The following DNAH14 variants were observed in gnomAD, a reference collection of about 807,000 sequenced individuals.
The protein encoded by DNAH14 is axonemal beta dynein heavy chain 14.
Under a neutral mutation model 520.9 loss-of-function variants are expected in DNAH14, and 478 were observed. The observed-to-expected ratio is 0.92, with a 90% confidence interval of 0.85 to 0.99. The LOEUF (loss-of-function observed/expected upper bound fraction) is 0.99, where lower values mean the gene tolerates loss of function less well. Among genes scored for constraint, DNAH14 ranks in the 50% least tolerant of loss-of-function variants. The probability of loss-of-function intolerance (pLI) is 0.00; values close to 1 mark genes in which losing one functional copy is unlikely to be tolerated. For missense variants in DNAH14, 4,831 were observed against 5,234.5 expected, an observed-to-expected ratio of 0.92 and a Z score of 2.38; for synonymous variants, 1,581 against 1,757.2, an observed-to-expected ratio of 0.90 and a Z score of 2.51.
chr1:225,370,046 T>C (rs920813239), intron 77 of DNAH14, among the ~76,000 whole-genome samples: 4 of 152,048 alleles, frequency 2.6e-5, no homozygotes, highest in African/African-American at 7.2e-5. Context: ...TCCCAGCACT[T>C]TGGGAGGCCG....
chr1:224,974,742 C>T (rs2061702457), intron 8 of DNAH14, among the ~76,000 whole-genome samples: 1 of 152,132 alleles, frequency 6.6e-6, no homozygotes, highest in South Asian at 2.1e-4. Context: ...CTACTCTCTC[C>T]TTGACCTTTG....
intron 71 of DNAH14, among the ~76,000 whole-genome samples, chr1:225,347,823 G>A (rs1471005493): frequency 6.6e-6 from 1 of 152,074 alleles, no homozygotes; most frequent in Non-Finnish European, 1.5e-5. Context: ...GACACAGGGG[G>A]AAATGGCCCA....
At chr1:225,079,982 A>G (rs943368803) in intron 18 of DNAH14, among the ~76,000 whole-genome samples, 7 of 152,080 alleles carry the variant, frequency 4.6e-5, no homozygotes, top group Admixed American at 2.0e-4. Flanking sequence ...CAATACAAGT[A>G]TTCTTCAACT....
intron 1 of DNAH14, among the ~76,000 whole-genome samples, chr1:224,948,380 A>G (rs2059976381): frequency 6.6e-6 from 1 of 151,574 alleles, no homozygotes; most frequent in Admixed American, 6.6e-5. Context: ...TCTGATATGA[A>G]TATAGCTATA....
At chr1:224,986,352 C>T (rs770760565) in intron 8 of DNAH14, among the ~76,000 whole-genome samples, 5 of 145,938 alleles carry the variant, frequency 3.4e-5, no homozygotes, top group Non-Finnish European at 7.5e-5. Context: ...AACTACAGGC[C>T]AATATCCCTA....
intron 27 of DNAH14, among the ~76,000 whole-genome samples, chr1:225,134,872 A>G (rs1019625911): frequency 6.6e-6 from 1 of 151,968 alleles, no homozygotes; most frequent in Non-Finnish European, 1.5e-5. Flanking sequence ...TTTGGTTGGT[A>G]GCCTATTTAT....
intron 36 of DNAH14, among the ~76,000 whole-genome samples, chr1:225,185,010 A>G (rs2084515580): frequency 6.6e-6 from 1 of 152,070 alleles, no homozygotes; most frequent in East Asian, 1.9e-4. Flanking sequence ...TGTACCTGTT[A>G]TTAAAATAAA....
chr1:224,974,645 G>A (rs1052199211), intron 8 of DNAH14, among the ~76,000 whole-genome samples: 2 of 152,118 alleles, frequency 1.3e-5, no homozygotes, highest in African/African-American at 4.8e-5. Flanking sequence ...CATTGACAAT[G>A]ATATATAATC....
intron 77 of DNAH14, among the ~76,000 whole-genome samples, chr1:225,368,525 T>G (rs2095580188): frequency 6.6e-6 from 1 of 152,182 alleles, no homozygotes; most frequent in South Asian, 2.1e-4. Flanking sequence ...TCCTTTACTA[T>G]TCTCTATATA....
In DNAH14 at chr1:225,300,957, TG is replaced by T; in HGVS notation, c.8559del (p.Met2853IlefsTer35). The T allele has an allele frequency of 6.4e-7, 1 of 1,551,466 alleles. No homozygotes were observed. The highest frequency in any genetic ancestry group is 2.0e-5 in the Admixed American group (1 of 51,002). On this transcript the variant is annotated frameshift_variant, in exon 56 of 86. Transcript: ENST00000682510. LOFTEE classifies it high-confidence loss of function. ...FENVELDSIAMKIRYLTEQSG... is the reference protein window; with the variant it reads ...FENVELDSIAXKIRYLTEQSG... ...AATGTTGAGCTGGATTCTATTGCAA[TG>T]AAAATCAGATATCTTACTGAACAAT...
intron 1 of DNAH14, among the ~76,000 whole-genome samples, chr1:224,945,679 C>T (rs1199366505): frequency 1.3e-5 from 2 of 152,280 alleles, no homozygotes; most frequent in African/African-American, 4.8e-5. Flanking sequence ...GTGTGGATGT[C>T]CTTTCTGTTT....
At chr1:224,932,049 G>A (rs542228433) in intron 1 of DNAH14, among the ~76,000 whole-genome samples, 1 of 152,240 alleles carries the variant, frequency 6.6e-6, no homozygotes, top group South Asian at 2.1e-4. Flanking sequence ...CATAGTGGCT[G>A]TGCTAGTTTA....
intron 17 of DNAH14, among the ~76,000 whole-genome samples, chr1:225,056,483 C>A (rs2069115157): frequency 6.6e-6 from 1 of 152,060 alleles, no homozygotes; most frequent in Non-Finnish European, 1.5e-5. Context: ...TGTAGGTTGC[C>A]TGTTCACTCT....
intron 10 of DNAH14, among the ~76,000 whole-genome samples, chr1:225,022,422 TC>T (rs2148022547): frequency 6.6e-6 from 1 of 151,392 alleles, no homozygotes; most frequent in South Asian, 2.1e-4. Flanking sequence ...ACCAAATAAC[TC>T]CACTAAAAAA....
chr1:225,094,372 T>C (rs893402500), intron 21 of DNAH14, among the ~76,000 whole-genome samples: 2 of 151,846 alleles, frequency 1.3e-5, no homozygotes, highest in African/African-American at 4.8e-5. Context: ...AAACAAGGCA[T>C]AGGGGAAGAA....
At chr1:224,976,110 A>T (rs202163298) in intron 8 of DNAH14, among the ~76,000 whole-genome samples, 7,789 of 150,700 alleles carry the variant, frequency 0.052, 366 homozygotes, top group East Asian at 0.22. Flanking sequence ...ATAATTTCTG[A>T]TCTTTTACAT....
Position 225,023,611 on chromosome 1 carries a change from G to T in DNAH14, c.1108-4G>T, listed in dbSNP as rs1365134129. On this transcript the variant is annotated splice_polypyrimidine_tract_variant and splice_region_variant and intron_variant, in intron 10 of 85. Coordinates refer to ENST00000682510, the MANE Select transcript of DNAH14 (RefSeq NM_001367479.1). The stretch of plus-strand genomic sequence containing the variant: ...TTGTTTCTCAATTGTTTTTTAAATT[G>T]TAGGTTGCAGAAAAGAATGAAATCA... The T allele has an allele frequency of 2.7e-6, 4 of 1,503,964 alleles. No homozygotes were observed. The highest frequency in any genetic ancestry group is 3.6e-6 in the Non-Finnish European group (4 of 1,120,898). 93.2% of individuals were successfully genotyped at this position (1,503,964 alleles called of 1,614,324 possible).
intron 61 of DNAH14, among the ~76,000 whole-genome samples, chr1:225,320,130 G>A (rs2094533726): frequency 6.6e-6 from 1 of 152,108 alleles, no homozygotes; most frequent in African/African-American, 2.4e-5. Context: ...GAGGGGTGGT[G>A]TGTCATAGTG....
intron 17 of DNAH14, among the ~76,000 whole-genome samples, chr1:225,057,425 T>G (rs1214454367): frequency 2.0e-5 from 3 of 152,232 alleles, no homozygotes; most frequent in Non-Finnish European, 4.4e-5. Context: ...AAGGAGATTT[T>G]GGGCTGAGAC....
Sources: gnomAD v4.1 joint callset for allele counts (sites outside exome capture counted in the v4.1 genomes callset) on GRCh38, gnomAD v4.1.1 for gene constraint, MANE v1.5 for transcripts, NCBI Gene and HGNC (gene_info 2026-07-23, HGNC 2026-07-21) for gene names.